The following RCL1 variants were observed in gnomAD, a reference collection of about 807,000 sequenced individuals.
RCL1 encodes RNA terminal phosphate cyclase like 1, also known as RNA 3'-terminal phosphate cyclase-like protein.
RCL1 carries 24 observed loss-of-function variants against 42.4 expected under a neutral mutation model. That is an observed-to-expected ratio of 0.57 (90% CI 0.41 to 0.80). The LOEUF is 0.80. Ranked by LOEUF, RCL1 falls within the 30% of genes least tolerant of loss-of-function variation. The probability of loss-of-function intolerance (pLI) is 0.00; values close to 1 mark genes in which losing one functional copy is unlikely to be tolerated. For missense variants in RCL1, 578 were observed against 467.9 expected (o/e 1.24, Z -2.17); for synonymous variants, 228 against 177.3 (o/e 1.29, Z -2.27).
chr9:4,801,756 C>T (rs1843004579), intron 1 of RCL1, among the ~76,000 whole-genome samples: 1 of 147,866 alleles, frequency 6.8e-6, no homozygotes, highest in South Asian at 2.1e-4. Context: ...AAGCCAATTG[C>T]CCAAGCATCA....
intron 4 of RCL1, 48 bp from the exon 5 acceptor site, chr9:4,834,093 C>A (rs1442720351): frequency 3.1e-6 from 5 of 1,592,418 alleles, no homozygotes; most frequent in Non-Finnish European, 4.3e-6. Context: ...TCAGGGTAAT[C>A]CATTGCTTTG....
intron 8 of RCL1, among the ~76,000 whole-genome samples, chr9:4,853,152 A>C (rs887651056): frequency 6.6e-6 from 1 of 151,970 alleles, no homozygotes; most frequent in Non-Finnish European, 1.5e-5. Flanking sequence ...TCTGGTTTTC[A>C]TCATAACTTC....
chr9:4,823,662 A>G, intron 2 of RCL1, 43 bp downstream of exon 2: 1 of 1,328,896 alleles, frequency 7.5e-7, no homozygotes, highest in African/African-American at 1.5e-5. Flanking sequence ...CATGCACTAA[A>G]GCATTCCTGT....
chr9:4,793,730 G>T (rs572080489), intron 1 of RCL1, among the ~76,000 whole-genome samples: 1 of 152,280 alleles, frequency 6.6e-6, no homozygotes, highest in East Asian at 1.9e-4. Context: ...ATGATTTCTC[G>T]GCTGCCCTCA....
intron 1 of RCL1, chr9:4,803,911 G>A (rs983515521): frequency 1.3e-5 from 2 of 152,904 alleles, no homozygotes; most frequent in Non-Finnish European, 2.9e-5. Flanking sequence ...CATCTGAGAG[G>A]ACAGATTTCC....
At chr9:4,811,019 CCT>C (rs1208150690) in intron 1 of RCL1, among the ~76,000 whole-genome samples, 4 of 152,116 alleles carry the variant, frequency 2.6e-5, no homozygotes, top group African/African-American at 9.7e-5. Context: ...ATATCCATCA[CCT>C]CAAACATTTC....
intron 8 of RCL1, among the ~76,000 whole-genome samples, chr9:4,855,070 A>AC: frequency 6.6e-6 from 1 of 151,002 alleles, no homozygotes; most frequent in Non-Finnish European, 1.5e-5. Context: ...AAAAAAAAAA[A>AC]AAATAGGAAA....
At chr9:4,801,195 A>C (rs1206551679) in intron 1 of RCL1, among the ~76,000 whole-genome samples, 1 of 152,022 alleles carries the variant, frequency 6.6e-6, no homozygotes, top group Non-Finnish European at 1.5e-5. Context: ...TTTTTGAGAT[A>C]GGGTCTTGCT....
intron 3 of RCL1, among the ~76,000 whole-genome samples, chr9:4,832,838 T>C (rs1391231649): frequency 2.7e-5 from 4 of 147,784 alleles, no homozygotes; most frequent in Non-Finnish European, 5.9e-5. Context: ...AAAGTAGGGT[T>C]CTCCATTTGT....
chr9:4,849,301 CTCTTATA>C (rs1018332745), intron 7 of RCL1, 139 bp from the exon 8 acceptor site: 22 of 618,094 alleles, frequency 3.6e-5, no homozygotes, highest in African/African-American at 3.5e-4. Context: ...ACAATGATTA[CTCTTATA>C]AGACCTGTAT....
chr9:4,842,985 C>T (rs1396685751), intron 6 of RCL1, among the ~76,000 whole-genome samples: 2 of 152,154 alleles, frequency 1.3e-5, no homozygotes, highest in Admixed American at 1.3e-4. Context: ...TGGTCAAGTC[C>T]ATACTTACTA....
At chr9:4,850,121 A>T (rs1817677294) in intron 8 of RCL1, among the ~76,000 whole-genome samples, 1 of 152,232 alleles carries the variant, frequency 6.6e-6, no homozygotes, top group Non-Finnish European at 1.5e-5. Context: ...TATAAATGAC[A>T]CTGTGAAAGA....
At chr9:4,801,866 C>G (rs1843006632) in intron 1 of RCL1, among the ~76,000 whole-genome samples, 1 of 147,662 alleles carries the variant, frequency 6.8e-6, no homozygotes, top group African/African-American at 2.5e-5. Context: ...GTTCTCCATT[C>G]TGTTCCATTG....
chr9:4,796,060 T>C (rs955580629), intron 1 of RCL1, among the ~76,000 whole-genome samples: 2 of 152,162 alleles, frequency 1.3e-5, no homozygotes, highest in African/African-American at 4.8e-5. Context: ...GCGGAAATCA[T>C]TGTTTGCAAA....
At chr9:4,858,793 T>C (rs560089562) in intron 8 of RCL1, among the ~76,000 whole-genome samples, 47 of 152,318 alleles carry the variant, frequency 3.1e-4, no homozygotes, top group African/African-American at 1.1e-3. Context: ...GCTGGTTTGA[T>C]TGGGAGACAG....
chr9:4,852,363 G>A (rs1817782112), intron 8 of RCL1, among the ~76,000 whole-genome samples: 1 of 152,158 alleles, frequency 6.6e-6, no homozygotes, highest in Non-Finnish European at 1.5e-5. Context: ...TTTAGGGAGG[G>A]AGGATTTATA....
At chr9:4,800,652 A>AC (rs1431232810) in intron 1 of RCL1, among the ~76,000 whole-genome samples, 2 of 123,934 alleles carry the variant, frequency 1.6e-5, no homozygotes, top group Non-Finnish European at 3.5e-5. Flanking sequence ...GTGTGGATGT[A>AC]TTTTTTTTTT....
chr9:4,812,973 C>CT (rs1188995741), intron 1 of RCL1, among the ~76,000 whole-genome samples: 1 of 152,068 alleles, frequency 6.6e-6, no homozygotes, highest in East Asian at 1.9e-4. Context: ...CATGGCAGTA[C>CT]TTTAAGAGTT....
At chr9:4,851,424 A>C (rs774064179) in intron 8 of RCL1, among the ~76,000 whole-genome samples, 33 of 152,356 alleles carry the variant, frequency 2.2e-4, no homozygotes, top group Admixed American at 7.2e-4. Flanking sequence ...ATTTTCAAGA[A>C]AGCTGGATCT....
Sources: allele counts gnomAD v4.1 joint callset (sites outside exome capture counted in the v4.1 genomes callset), GRCh38; gene constraint gnomAD v4.1.1; transcripts MANE v1.5; gene names NCBI Gene and HGNC (gene_info 2026-07-23, HGNC 2026-07-21).